NAALADL2: variants seen among roughly 807,000 people sequenced by gnomAD.
NAALADL2 encodes N-acetylated alpha-linked acidic dipeptidase like 2.
A neutral mutation model predicts 87.2 loss-of-function variants in NAALADL2; 76 were observed. That is an observed-to-expected ratio of 0.87 (90% confidence interval 0.72 to 1.05). The LOEUF (loss-of-function observed/expected upper bound fraction) is 1.05. Ranked by LOEUF, NAALADL2 falls within the 50% of genes least tolerant of loss-of-function variation. The probability of loss-of-function intolerance (pLI) is 0.00; values close to 1 mark genes in which losing one functional copy is unlikely to be tolerated. For missense variants in NAALADL2, 1,089 were observed against 945.8 expected, an observed-to-expected ratio of 1.15 and a Z score of -1.99; for synonymous variants, 354 against 331.0, an observed-to-expected ratio of 1.07 and a Z score of -0.75.
chr3:175,209,436 G>A (rs1741437596), intron 2 of NAALADL2, among the ~76,000 whole-genome samples: 1 of 151,944 alleles, frequency 6.6e-6, no homozygotes, highest in Non-Finnish European at 1.5e-5. Flanking sequence ...ACATTCTTGA[G>A]AAAGAGAAAA....
At chr3:174,749,074 A>G (rs907784406) in intron 3 of NAALADL2, among the ~76,000 whole-genome samples, 4 of 152,180 alleles carry the variant, frequency 2.6e-5, no homozygotes, top group African/African-American at 9.7e-5. Context: ...GCCAGGACTT[A>G]TAACATTTAA....
At chr3:175,001,565 G>A (rs1474154185) in intron 1 of NAALADL2, among the ~76,000 whole-genome samples, 3 of 151,882 alleles carry the variant, frequency 2.0e-5, no homozygotes, top group Non-Finnish European at 1.5e-5. Context: ...CATTCTTTTG[G>A]GAGTCCAGAT....
chr3:174,501,092 T>TAATGCTGGCCACATAGAA (rs1718853367), intron 1 of NAALADL2, among the ~76,000 whole-genome samples: 8 of 141,362 alleles, frequency 5.7e-5, no homozygotes, highest in African/African-American at 2.5e-4. Flanking sequence ...TTTTTTTTTT[T>TAATGCTGGCCACATAGAA]TTTTGAGACG....
intron 4 of NAALADL2, among the ~76,000 whole-genome samples, chr3:175,258,244 C>A (rs1750366464): frequency 6.8e-6 from 1 of 147,022 alleles, no homozygotes; most frequent in South Asian, 2.2e-4. Flanking sequence ...GGAGGCAGAA[C>A]TTGCAATGAG....
In NAALADL2 at chr3:175,471,778, T is replaced by C. The variant is rs1442072503; in HGVS notation, c.1653+20T>C. The C allele has an allele frequency of 6.3e-7, 1 of 1,575,216 alleles. No individual in the cohort carries two copies. The highest frequency in any genetic ancestry group is 2.3e-5 in the East Asian group (1 of 43,382). On this transcript the variant is annotated intron_variant, in intron 9 of 13. Transcript: ENST00000454872. The stretch of plus-strand genomic sequence containing the variant: ...GTAGAGGTAAGACAAACCACTATTG[T>C]ATCAAATGATTATGCAAAACCGACC...
chr3:175,066,526 G>A (rs1002303863), intron 1 of NAALADL2, among the ~76,000 whole-genome samples: 1 of 152,068 alleles, frequency 6.6e-6, no homozygotes, highest in Non-Finnish European at 1.5e-5. Flanking sequence ...AACCAAAAGT[G>A]CTTGTAACTG....
intron 1 of NAALADL2, among the ~76,000 whole-genome samples, chr3:174,882,466 CAT>C (rs201072161): frequency 0.014 from 2,107 of 149,026 alleles, 58 homozygotes; most frequent in African/African-American, 0.05. Context: ...TACATATATA[CAT>C]ATGTGTATGC....
At chr3:175,471,515 A>G in intron 8 of NAALADL2, 124 bp from the exon 9 acceptor site, 1 of 614,350 alleles carries the variant, frequency 1.6e-6, no homozygotes. Flanking sequence ...AAAAAAAAGA[A>G]GGTAATTATG....
chr3:175,264,505 G>A (rs1433811270), intron 4 of NAALADL2, among the ~76,000 whole-genome samples: 3 of 151,686 alleles, frequency 2.0e-5, no homozygotes, highest in Non-Finnish European at 4.4e-5. Context: ...CAAAGTATTA[G>A]TCTCTCAAGA....
intron 1 of NAALADL2, among the ~76,000 whole-genome samples, chr3:175,017,276 C>A (rs1161223001): frequency 6.6e-6 from 1 of 151,824 alleles, no homozygotes; most frequent in Admixed American, 6.6e-5. Flanking sequence ...AATAGCCAGA[C>A]ACTATTTTCG....
chr3:174,507,902 G>C (rs1367477061), intron 1 of NAALADL2, among the ~76,000 whole-genome samples: 1 of 151,884 alleles, frequency 6.6e-6, no homozygotes, highest in Non-Finnish European at 1.5e-5. Context: ...TATTTTCCTA[G>C]GGTAAATTAA....
intron 11 of NAALADL2, among the ~76,000 whole-genome samples, chr3:175,645,408 A>G (rs1406850854): frequency 1.3e-5 from 2 of 152,150 alleles, no homozygotes; most frequent in South Asian, 4.1e-4. Context: ...ACAAAAATAT[A>G]TGTATAAATA....
intron 5 of NAALADL2, among the ~76,000 whole-genome samples, chr3:175,401,658 G>A (rs1011014280): frequency 6.6e-6 from 1 of 152,108 alleles, no homozygotes; most frequent in African/African-American, 2.4e-5. Flanking sequence ...GTAACACAGT[G>A]GGAAGTATTT....
At chr3:175,161,631 C>A (rs1005798288) in intron 2 of NAALADL2, among the ~76,000 whole-genome samples, 1 of 148,922 alleles carries the variant, frequency 6.7e-6, no homozygotes. Context: ...CCCCCCCGCC[C>A]GTCCCACCCT....
intron 2 of NAALADL2, among the ~76,000 whole-genome samples, chr3:174,584,512 G>A (rs909699212): frequency 9.9e-5 from 15 of 151,932 alleles, no homozygotes; most frequent in African/African-American, 3.6e-4. Flanking sequence ...TCTACACATA[G>A]ACGAACAAAA....
intron 11 of NAALADL2, among the ~76,000 whole-genome samples, chr3:175,734,377 ACCC>A (rs1239686353): frequency 1.6e-3 from 249 of 151,950 alleles, no homozygotes; most frequent in African/African-American, 5.7e-3. Flanking sequence ...ACATGGTGAA[ACCC>A]CATCTCTACT....
At chr3:174,957,109 T>G (rs1412445322) in intron 1 of NAALADL2, among the ~76,000 whole-genome samples, 1 of 151,854 alleles carries the variant, frequency 6.6e-6, no homozygotes, top group African/African-American at 2.4e-5. Flanking sequence ...ATAGAGTCAG[T>G]TTAGGCCCCA....
At chr3:175,301,854 C>T (rs926419279) in intron 4 of NAALADL2, among the ~76,000 whole-genome samples, 2 of 152,112 alleles carry the variant, frequency 1.3e-5, no homozygotes, top group Admixed American at 6.5e-5. Context: ...TTGCTTGGAA[C>T]CTGGAGGGAA....
chr3:175,241,817 CAT>C (rs1049264503), intron 3 of NAALADL2, among the ~76,000 whole-genome samples: 14 of 142,632 alleles, frequency 9.8e-5, no homozygotes, highest in South Asian at 8.9e-4. Flanking sequence ...GATTACAACA[CAT>C]GTGGCATTTT....
Sources: allele counts gnomAD v4.1 joint callset (sites outside exome capture counted in the v4.1 genomes callset), GRCh38; gene constraint gnomAD v4.1.1; transcripts MANE v1.5; gene names NCBI Gene and HGNC (gene_info 2026-07-23, HGNC 2026-07-21).